MAN1C1: variants seen among roughly 807,000 people sequenced by gnomAD.
MAN1C1 encodes mannosidase alpha class 1C member 1.
Under a neutral mutation model 71.5 loss-of-function variants are expected in MAN1C1, and 49 were observed. The observed-to-expected ratio is 0.69, with a 90% CI of 0.54 to 0.87. The LOEUF (loss-of-function observed/expected upper bound fraction) is 0.87, where lower values mean the gene tolerates loss of function less well. MAN1C1 is among the 40% of genes least tolerant of loss of function. The pLI, the probability that MAN1C1 is intolerant of heterozygous loss-of-function variation, is 0.00. For synonymous variants in MAN1C1, 352 were observed against 343.7 expected (o/e 1.02, Z -0.27); for missense variants, 743 against 835.0 (o/e 0.89, Z 1.36).
At chr1:25,756,455 C>T (rs2047287636) in intron 5 of MAN1C1, among the ~76,000 whole-genome samples, 1 of 104,440 alleles carries the variant, frequency 9.6e-6, no homozygotes, top group Admixed American at 9.5e-5. Context: ...AGGAGAGGCC[C>T]ATGTGGGGGA....
chr1:25,744,645 C>T (rs1287005781), intron 2 of MAN1C1, among the ~76,000 whole-genome samples: 5 of 152,206 alleles, frequency 3.3e-5, no homozygotes, highest in Non-Finnish European at 7.3e-5. Flanking sequence ...CTCACCCTCA[C>T]TTCCATTCTT....
intron 2 of MAN1C1, among the ~76,000 whole-genome samples, chr1:25,740,509 T>C (rs894728702): frequency 3.9e-5 from 6 of 152,132 alleles, no homozygotes; most frequent in African/African-American, 1.4e-4. Context: ...CTATCTCGGC[T>C]CACTGCAAGC....
rs1396665397 is a variant in MAN1C1, at chr1:25,746,862, G to A, written c.753+79G>A. Reference sequence around the variant, plus strand: ...CAGCCAGCTTCACCCTGTCATCTCTGAGACCCAGAGATGTTGAGGGTCTCT... The same window carrying A: ...CAGCCAGCTTCACCCTGTCATCTCTAAGACCCAGAGATGTTGAGGGTCTCT... On this transcript the variant is annotated intron_variant, in intron 3 of 11. Coordinates refer to ENST00000374332, the MANE Select transcript of MAN1C1 (RefSeq NM_020379.4). The surrounding 1 kb of genome is among the most constrained non-coding windows in gnomAD (Gnocchi z 4.0). The A allele has an allele frequency of 3.1e-6, 3 of 953,214 alleles. No individual in the cohort carries two copies. Among genetic ancestry groups the A allele is most frequent in the Non-Finnish European group, 4.8e-6 (3 of 626,914 alleles). 59.0% of individuals were successfully genotyped at this position (953,214 alleles called of 1,614,324 possible).
chr1:25,727,258 A>C (rs2124291261), intron 2 of MAN1C1, among the ~76,000 whole-genome samples: 1 of 152,306 alleles, frequency 6.6e-6, no homozygotes, highest in South Asian at 2.1e-4. Flanking sequence ...GATAAGGAAC[A>C]AACAGACTAA....
chr1:25,695,972 G>C (rs1352875993), intron 2 of MAN1C1, among the ~76,000 whole-genome samples: 1 of 152,150 alleles, frequency 6.6e-6, no homozygotes, highest in African/African-American at 2.4e-5. Flanking sequence ...GGGGGTATTG[G>C]GCTGGTCTTC....
At chr1:25,738,409 C>T (rs1476749084) in intron 2 of MAN1C1, among the ~76,000 whole-genome samples, 2 of 152,204 alleles carry the variant, frequency 1.3e-5, no homozygotes, top group African/African-American at 4.8e-5. Flanking sequence ...ATGGGGATGT[C>T]ACTTTAATTC....
At chr1:25,679,367 G>T (rs2046113579) in intron 1 of MAN1C1, among the ~76,000 whole-genome samples, 1 of 152,114 alleles carries the variant, frequency 6.6e-6, no homozygotes, top group African/African-American at 2.4e-5. Flanking sequence ...ACCAGCGTGG[G>T]GAACAGGCTT....
In MAN1C1 at chr1:25,753,693, A is replaced by T. The variant is rs139886984; in HGVS notation, c.929+115A>T. ...CAGGGGCAGTAGGCAGGCAAGCAGG[A>T]GGGGGGACCCTTGGGACCACCTCTG... On this transcript the variant is annotated intron_variant, in intron 5 of 11. Coordinates refer to ENST00000374332, the MANE Select transcript of MAN1C1 (RefSeq NM_020379.4). This position sits in a 1 kb window ranked among gnomAD's most constrained non-coding sequence, Gnocchi z 4.9. 2.0e-3 allele frequency: 1,685 copies of T among 837,562 alleles called. 21 individuals are homozygous for T. The African/African-American group carries it at 0.024, about 12-fold the overall frequency. 51.9% of individuals were successfully genotyped at this position (837,562 alleles called of 1,614,324 possible). A position where few individuals can be genotyped will look rare whatever the true frequency, so the allele number is the denominator to read the frequency against.
rs147274991 is a variant in MAN1C1 at position 25,625,877 on chromosome 1, G to A, written c.540+7540G>A. On this transcript the variant is annotated intron_variant, in intron 1 of 11. Transcript: ENST00000374332. Reference sequence around the variant, plus strand: ...AGTACAGTCCATGCCCTGTGGACAAGGCTTCCTTCATTGAAGACAGTTTTT... The same window carrying A: ...AGTACAGTCCATGCCCTGTGGACAAAGCTTCCTTCATTGAAGACAGTTTTT... Among the ~76,000 whole-genome samples, 24 of 152,270 alleles carry A rather than the reference G, an allele frequency of 1.6e-4. No individual in the cohort carries two copies. The East Asian group carries it at 4.1e-3, about 26-fold the overall frequency.
At chr1:25,674,344 C>T (rs1175686141) in intron 1 of MAN1C1, among the ~76,000 whole-genome samples, 3 of 152,180 alleles carry the variant, frequency 2.0e-5, no homozygotes, top group Non-Finnish European at 4.4e-5. Context: ...CATCCTTAGT[C>T]ATTTAATCAA....
intron 2 of MAN1C1, among the ~76,000 whole-genome samples, chr1:25,729,277 C>G (rs2046876468): frequency 6.6e-6 from 1 of 152,230 alleles, no homozygotes; most frequent in South Asian, 2.1e-4. Context: ...AATGTCCCCC[C>G]TGTTGCTCTC....
chr1:25,667,282 G>A (rs2045937047), intron 1 of MAN1C1, among the ~76,000 whole-genome samples: 1 of 151,968 alleles, frequency 6.6e-6, no homozygotes, highest in Non-Finnish European at 1.5e-5. Context: ...TCAGGAGTTT[G>A]AGACCAGCCT....
At position 25,778,306 on chromosome 1, in the gene MAN1C1, G is replaced by C; in HGVS notation, c.1459G>C (p.Glu487Gln). The change falls in exon 9 of 12, where the codon GAG becomes CAG. Residue 487 changes from glutamate (E) to glutamine (Q), a missense_variant. Glu to Gln is a conservative substitution (Grantham distance 29). Transcript: ENST00000374332. The surrounding 1 kb of genome is among the most constrained non-coding windows in gnomAD (Gnocchi z 5.5). ...LAAQITKTCH[E>Q]SYARSDTKLG... ...AGCCCAGATCACCAAGACGTGTCAC[G>C]AGTCATACGCCCGCTCAGGTAACCC... The C allele has an allele frequency of 2.5e-6, 4 of 1,612,546 alleles. No homozygotes were observed. The highest frequency in any genetic ancestry group is 3.4e-6 in the Non-Finnish European group (4 of 1,179,090).
intron 1 of MAN1C1, among the ~76,000 whole-genome samples, chr1:25,653,276 A>T (rs918064410): frequency 2.0e-5 from 3 of 150,670 alleles, no homozygotes; most frequent in African/African-American, 7.3e-5. Context: ...GTGGGGTTTC[A>T]CTAAGTTGCC....
At chr1:25,740,833 G>A (rs779173095) in intron 2 of MAN1C1, among the ~76,000 whole-genome samples, 15 of 152,054 alleles carry the variant, frequency 9.9e-5, no homozygotes, top group Non-Finnish European at 1.8e-4. Context: ...CAAGGGGGCG[G>A]GGAGGAAGCC....
In MAN1C1 at chr1:25,746,756, G is replaced by C; in HGVS notation, c.726G>C (p.Trp242Cys). Reference sequence around the variant, plus strand: ...AGGAGTTCCAGGAGGCCAAGGCCTGGGTGGGAGAGAGCTTCCACCTGAACG... The same window carrying C: ...AGGAGTTCCAGGAGGCCAAGGCCTGCGTGGGAGAGAGCTTCCACCTGAACG... Reference protein sequence around the residue: ...LKEEFQEAKAWVGESFHLNVS... With the variant: ...LKEEFQEAKACVGESFHLNVS... Residue 242 changes from tryptophan (W) to cysteine (C), a missense_variant, in exon 3 of 12, where the codon TGG becomes TGC. By Grantham distance (215) the Trp-to-Cys change is radical. Transcript: ENST00000374332. The surrounding 1 kb of genome is among the most constrained non-coding windows in gnomAD (Gnocchi z 4.0). The C allele has an allele frequency of 6.2e-7, 1 of 1,613,342 alleles. No homozygotes were observed. The highest frequency in any genetic ancestry group is 8.5e-7 in the Non-Finnish European group (1 of 1,179,644).
rs530584927 is a variant in MAN1C1 at position 25,737,583 on chromosome 1, A to T, written c.638-9085A>T. On this transcript the variant is annotated intron_variant, in intron 2 of 11. Transcript: ENST00000374332. ...TGCCTTCTCTGTGCCCAGCCTGAGG[A>T]TGGATGCTGGGGCCACTGGGAAATG... Among the ~76,000 whole-genome samples the T allele has an allele frequency of 7.4e-4, 113 of 152,236 alleles. 2 individuals are homozygous for T. The highest frequency in any genetic ancestry group is 5.2e-3 in the Admixed American group (80 of 15,288).
intron 1 of MAN1C1, among the ~76,000 whole-genome samples, chr1:25,685,395 C>T (rs2046215752): frequency 6.6e-6 from 1 of 152,242 alleles, no homozygotes; most frequent in Admixed American, 6.5e-5. Context: ...CCGGCTCCTC[C>T]TCTGCTCCAC....
intron 3 of MAN1C1, among the ~76,000 whole-genome samples, chr1:25,747,834 C>T (rs2047151454): frequency 6.6e-6 from 1 of 152,148 alleles, no homozygotes. Context: ...ATTAATAATG[C>T]CTAACTCATA....
Sources: gnomAD v4.1 joint callset for allele counts (sites outside exome capture counted in the v4.1 genomes callset) on GRCh38, gnomAD v4.1.1 for gene constraint, Gnocchi (gnomAD v3.1) non-coding constraint, MANE v1.5 for transcripts, NCBI Gene and HGNC (gene_info 2026-07-23, HGNC 2026-07-21) for gene names.